UPF3B: variants seen among roughly 807,000 people sequenced by gnomAD.
UPF3B encodes the protein regulator of nonsense transcripts 3B.
Under a neutral mutation model 40.3 loss-of-function variants are expected in UPF3B, and 7 were observed. The ratio of observed to expected loss-of-function variants is 0.17; its 90% confidence interval spans 0.10 to 0.33. The LOEUF is 0.33. Ranked by LOEUF, UPF3B falls within the 10% of genes least tolerant of loss-of-function variation. UPF3B has a pLI of 1.00. For synonymous variants in UPF3B, 117 were observed against 117.3 expected (o/e 1.00, Z 0.01); for missense variants, 229 against 358.9 (o/e 0.64, Z 2.93).
At position 119,806,922 on chromosome X, in the gene UPF3B, G is replaced by A. The variant is rs759373237; in HGVS notation, c.*11+553C>T. ...CGGGCACCTGTAATCCCAGCTACTC[G>A]GGAGGCTGAGGCAGGAGAATCAGTT... On this transcript the variant is annotated intron_variant, in intron 6 of 6. Coordinates refer to the UPF3B transcript ENST00000636792. Among the ~76,000 whole-genome samples, 4 of 106,273 alleles carry A rather than the reference G, an allele frequency of 3.8e-5. No homozygotes were observed. In the East Asian group the frequency reaches 8.8e-4, roughly 23 times the overall value. The allele number at this position is 106,273 out of a possible 115,157, so 92.3% of individuals were successfully genotyped here.
Position 119,841,649 on chromosome X carries a change from T to C in UPF3B, c.624+86A>G, listed in dbSNP as rs1376881595. On this transcript the variant is annotated intron_variant, in intron 6 of 10. Transcript: ENST00000276201. Reference sequence around the variant, plus strand: ...GTGGAAAAAGCAGCTATTTCTCCTCTAGAAACCCAATGCTCTTAAAATGTT... The same window carrying C: ...GTGGAAAAAGCAGCTATTTCTCCTCCAGAAACCCAATGCTCTTAAAATGTT... The C allele has an allele frequency of 7.1e-5, 67 of 950,177 alleles. No individual in the cohort carries two copies. In the Admixed American group the frequency reaches 1.5e-3, roughly 22 times the overall value. 78.3% of individuals were successfully genotyped at this position (950,177 alleles called of 1,213,427 possible).
intron 4 of UPF3B, among the ~76,000 whole-genome samples, chrX:119,818,368 G>C (rs1045449753): frequency 8.9e-6 from 1 of 111,982 alleles, no homozygotes; most frequent in African/African-American, 3.2e-5. Flanking sequence ...AGGCCAAGGC[G>C]GGCGGGTCAT....
intron 10 of UPF3B, among the ~76,000 whole-genome samples, chrX:119,836,282 G>T (rs2056090546): frequency 1.8e-5 from 2 of 111,014 alleles, no homozygotes; most frequent in African/African-American, 6.6e-5. Flanking sequence ...TTGAACCCGG[G>T]AGGTGGAGGT....
chrX:119,810,829 A>G (rs913004804), intron 5 of UPF3B, among the ~76,000 whole-genome samples: 2 of 110,845 alleles, frequency 1.8e-5, no homozygotes, highest in African/African-American at 6.6e-5. Context: ...TTTTCCAGTT[A>G]ATAATGTAAA....
In UPF3B at chrX:119,851,562, A is replaced by G. The variant is rs2056302469; in HGVS notation, c.303T>C (p.Phe101=). The change falls in exon 3 of 11, where the codon TTT becomes TTC. Residue 101 remains phenylalanine, a synonymous_variant. Coordinates refer to ENST00000276201, the MANE Select transcript of UPF3B (RefSeq NM_080632.3). ...PHMYARAYIN[F]KNQEDIILFR... Reference sequence around the variant, plus strand: ...ACAAAATAATGTCCTCTTGGTTTTTAAAGTTGATGTATGCTCTGGCATACA... The same window carrying G: ...ACAAAATAATGTCCTCTTGGTTTTTGAAGTTGATGTATGCTCTGGCATACA... 1 of 1,205,972 alleles carries G rather than the reference A, an allele frequency of 8.3e-7. No individual in the cohort carries two copies. Among genetic ancestry groups the G allele is most frequent in the South Asian group, 1.8e-5 (1 of 56,740 alleles).
intron 10 of UPF3B, among the ~76,000 whole-genome samples, chrX:119,836,478 G>C (rs944270751): frequency 1.8e-5 from 2 of 111,040 alleles, no homozygotes; most frequent in African/African-American, 6.5e-5. Flanking sequence ...AATGCTACTA[G>C]GGTAATATTA....
intron 3 of UPF3B, among the ~76,000 whole-genome samples, chrX:119,850,681 G>C (rs1488066480): frequency 8.9e-6 from 1 of 112,481 alleles, no homozygotes; most frequent in Non-Finnish European, 1.9e-5. Context: ...TGTTAAAGTA[G>C]AAATGTGTCT....
chrX:119,808,195 C>G (rs973836935), intron 5 of UPF3B, among the ~76,000 whole-genome samples: 8 of 111,643 alleles, frequency 7.2e-5, no homozygotes, highest in Admixed American at 3.8e-4. Flanking sequence ...TTATTAAGGA[C>G]ATGAAATTAT....
intron 1 of UPF3B, 23 bp downstream of exon 1, chrX:119,852,750 C>T (rs777710883): frequency 2.4e-5 from 29 of 1,211,178 alleles, no homozygotes; most frequent in African/African-American, 3.5e-5. Flanking sequence ...CGCCCTCTCC[C>T]GGGCCAGCGG....
In UPF3B at chrX:119,817,630, A is replaced by G. The variant is rs570371611; in HGVS notation, c.495-2323T>C. Among the ~76,000 whole-genome samples the G allele has an allele frequency of 6.2e-5, 7 of 112,345 alleles. No individual in the cohort carries two copies. The South Asian group carries it at 2.6e-3, about 41-fold the overall frequency. ...AATGTGTATTATCAAGAAACTATGCATGGATTGCAAAATCTTTTGGCATCA... is the reference window on the plus strand; with the variant it reads ...AATGTGTATTATCAAGAAACTATGCGTGGATTGCAAAATCTTTTGGCATCA... On this transcript the variant is annotated intron_variant, in intron 4 of 6. Transcript: ENST00000636792.
In UPF3B at chrX:119,838,502, T is replaced by A. The variant is rs1474291269; in HGVS notation, c.872A>T (p.Asp291Val). ...KNLLKKPEKG[D>V]EKELDKREKA... ...TTCTCTTTTGTCCAATTCTTTTTCATCTCCTTTTTCTGGCTTCTTGAGCAG... is the reference window on the plus strand; with the variant it reads ...TTCTCTTTTGTCCAATTCTTTTTCAACTCCTTTTTCTGGCTTCTTGAGCAG... Residue 291 changes from aspartate to valine, a missense_variant, in exon 9 of 11, where the codon GAT becomes GTT. This residue lies in a region of UPF3B where 119 missense variants were observed against 153.8 expected (regional missense o/e 0.77). Coordinates refer to ENST00000276201, the MANE Select transcript of UPF3B (RefSeq NM_080632.3). The A allele has an allele frequency of 8.3e-7, 1 of 1,211,223 alleles. No individual in the cohort carries two copies. Among genetic ancestry groups the A allele is most frequent in the Admixed American group, 2.2e-5 (1 of 45,952 alleles).
intron 4 of UPF3B, among the ~76,000 whole-genome samples, chrX:119,819,053 CT>C (rs561336054): frequency 0.035 from 3,097 of 88,346 alleles, 115 homozygotes; most frequent in African/African-American, 0.12. Context: ...GTAACACCAG[CT>C]TTTTTTTTTT....
Position 119,815,829 on chromosome X carries a change from T to G in UPF3B, c.495-522A>C, listed in dbSNP as rs1280371058. On this transcript the variant is annotated intron_variant, in intron 4 of 6. Coordinates refer to the UPF3B transcript ENST00000636792. ...GAAGTTTCGCTCTGGTTGTCCAGGT[T>G]GGAGTGCAGTAGTGCAATCTCGGCT... 2.7e-5 allele frequency among the ~76,000 whole-genome samples: 3 copies of G among 112,215 alleles called. No homozygotes were observed. In the East Asian group the frequency reaches 8.4e-4, roughly 31 times the overall value.
chrX:119,849,424 C>A (rs779311956), intron 3 of UPF3B, among the ~76,000 whole-genome samples: 2 of 106,156 alleles, frequency 1.9e-5, no homozygotes, highest in Non-Finnish European at 3.9e-5. Flanking sequence ...ACCCAGGAGG[C>A]GGAGGTTGTA....
At chrX:119,838,734 C>A (rs1343354585) in intron 8 of UPF3B, among the ~76,000 whole-genome samples, 5 of 111,273 alleles carry the variant, frequency 4.5e-5, no homozygotes, top group Non-Finnish European at 9.4e-5. Context: ...TCCACTTGAA[C>A]GAAGTGGTTT....
chrX:119,817,194 C>G (rs2055872873), intron 4 of UPF3B, among the ~76,000 whole-genome samples: 1 of 111,153 alleles, frequency 9.0e-6, no homozygotes, highest in South Asian at 3.7e-4. Context: ...GTCTGGAACT[C>G]CTGACCTCAG....
chrX:119,841,410 A>G, intron 6 of UPF3B, 152 bp from the exon 7 acceptor site: 1 of 919,786 alleles, frequency 1.1e-6, no homozygotes, highest in Non-Finnish European at 1.5e-6. Flanking sequence ...CACTCCACCC[A>G]GAAAACGAAA....
At chrX:119,833,937 A>C, downstream of UPF3B, 2 of 623,829 alleles carry the variant, frequency 3.2e-6, no homozygotes, top group Non-Finnish European at 1.9e-6. Context: ...CTTAGGCTTC[A>C]CTAGAAGGTG....
At chrX:119,843,091 A>T in intron 5 of UPF3B, 100 bp downstream of exon 5, 1 of 579,271 alleles carries the variant, frequency 1.7e-6, no homozygotes. Context: ...CAGAGAAACT[A>T]GTAACTTCCC....
Sources: allele counts gnomAD v4.1 joint callset (sites outside exome capture counted in the v4.1 genomes callset), GRCh38; gene constraint gnomAD v4.1.1; regional missense constraint gnomAD v4.1.1; transcripts MANE v1.5; gene names NCBI Gene and HGNC (gene_info 2026-07-23, HGNC 2026-07-21).